Variants in AATF observed in about 807,000 individuals in gnomAD.
The protein encoded by AATF is apoptosis antagonizing transcription factor.
A neutral mutation model predicts 63.7 loss-of-function variants in AATF; 48 were observed. The observed-to-expected ratio is 0.75, with a 90% confidence interval of 0.60 to 0.96. The LOEUF (loss-of-function observed/expected upper bound fraction) is 0.96, where lower values mean the gene tolerates loss of function less well. Ranked by LOEUF, AATF falls within the 40% of genes least tolerant of loss-of-function variation. AATF has a pLI of 0.00. For synonymous variants in AATF, 258 were observed against 247.7 expected, an observed-to-expected ratio of 1.04 and a Z score of -0.39; for missense variants, 639 against 685.7, an observed-to-expected ratio of 0.93 and a Z score of 0.76.
At chr17:36,968,909 T>G (rs998412364) in intron 4 of AATF, among the ~76,000 whole-genome samples, 1 of 152,212 alleles carries the variant, frequency 6.6e-6, no homozygotes, top group African/African-American at 2.4e-5. Flanking sequence ...ATTACAGATG[T>G]GAACTTTAGC....
intron 10 of AATF, among the ~76,000 whole-genome samples, chr17:37,026,412 A>G (rs2071511520): frequency 6.6e-6 from 1 of 152,242 alleles, no homozygotes; most frequent in Admixed American, 6.5e-5. Context: ...TACTCATAGC[A>G]ATAGCGTAAG....
chr17:36,992,142 A>G lies in AATF; in HGVS notation c.1398+1285A>G, dbSNP rs34646966. ...GAACTTCTTAGGAAAATTACATGTA[A>G]AGTCAATATAGAACAAGTGATTTTA... On this transcript the variant is annotated intron_variant, in intron 8 of 11. Transcript: ENST00000619387. 4.4e-3 allele frequency among the ~76,000 whole-genome samples: 670 copies of G among 152,298 alleles called. 6 individuals are homozygous for G. Among genetic ancestry groups the G allele is most frequent in the African/African-American group, 0.015 (613 of 41,570 alleles).
chr17:37,001,682 A>C (rs2071299454), intron 8 of AATF, among the ~76,000 whole-genome samples: 1 of 152,150 alleles, frequency 6.6e-6, no homozygotes, highest in Admixed American at 6.5e-5. Flanking sequence ...AAACTTCCTC[A>C]CCTGATAAAG....
At chr17:37,004,591 A>T (rs1475178059) in intron 8 of AATF, among the ~76,000 whole-genome samples, 1 of 152,130 alleles carries the variant, frequency 6.6e-6, no homozygotes, top group East Asian at 1.9e-4. Context: ...GGAAGGCAGG[A>T]CTTATGAGTA....
chr17:37,019,093 T>C, intron 9 of AATF, 21 bp downstream of exon 9: 1 of 1,606,442 alleles, frequency 6.2e-7, no homozygotes. Context: ...TACAGCTTTC[T>C]GTTCATGCAA....
intron 8 of AATF, among the ~76,000 whole-genome samples, chr17:37,010,819 C>T (rs934438275): frequency 1.3e-5 from 2 of 152,142 alleles, no homozygotes; most frequent in Non-Finnish European, 1.5e-5. Context: ...TGTGAGGGCC[C>T]ACGGAGCATT....
Position 37,044,330 on chromosome 17 carries a change from C to G in AATF, c.1620-12271C>G, listed in dbSNP as rs2071670763. ...CATTGCACCGCTTGAGGGCCGGCTC[C>G]TTATTTTGTTCTTAGCTCATGGCAA... is the stretch of plus-strand genomic sequence containing the variant. On this transcript the variant is annotated intron_variant, in intron 11 of 11. Transcript: ENST00000619387. 3.9e-5 allele frequency among the ~76,000 whole-genome samples: 6 copies of G among 152,222 alleles called. No individual in the cohort carries two copies. In the South Asian group the frequency reaches 1.2e-3, roughly 32 times the overall value.
chr17:37,003,709 T>G (rs2071320086), intron 8 of AATF, among the ~76,000 whole-genome samples: 1 of 151,080 alleles, frequency 6.6e-6, no homozygotes, highest in Non-Finnish European at 1.5e-5. Flanking sequence ...TCAAGTGATC[T>G]GACTGCCTCA....
At chr17:36,962,203 CAT>C (rs2070953104) in intron 4 of AATF, among the ~76,000 whole-genome samples, 2 of 152,316 alleles carry the variant, frequency 1.3e-5, no homozygotes, top group East Asian at 1.9e-4. Context: ...ACTGAAATAA[CAT>C]ATGCAGTGTT....
chr17:36,990,385 C>T (rs534037691), intron 7 of AATF, among the ~76,000 whole-genome samples: 2 of 151,908 alleles, frequency 1.3e-5, no homozygotes, highest in Non-Finnish European at 2.9e-5. Flanking sequence ...ATTATGTGTT[C>T]GTATAAATAT....
rs1175645606 is a variant in AATF, at chr17:36,948,999, C to T, written c.-127C>T. On this transcript the variant is annotated 5_prime_UTR_variant, in exon 1 of 12. Transcript: ENST00000619387. ...GTCCAGAGCTGTGGGGTGGCCTCCG[C>T]GCGGTCTCTGGCGGAGTCGGGGAAT... 5.3e-5 allele frequency: 48 copies of T among 900,388 alleles called. No homozygotes were observed. Among genetic ancestry groups the T allele is most frequent in the Non-Finnish European group, 1.2e-5 (7 of 592,266 alleles). 55.8% of individuals were successfully genotyped at this position (900,388 alleles called of 1,614,324 possible). A position where few individuals can be genotyped will look rare whatever the true frequency, so the allele number is the denominator to read the frequency against.
chr17:36,993,594 G>A (rs1407046613), intron 8 of AATF, among the ~76,000 whole-genome samples: 1 of 152,146 alleles, frequency 6.6e-6, no homozygotes, highest in Non-Finnish European at 1.5e-5. Flanking sequence ...TGAGCTAAGT[G>A]TTGCATTCAG....
chr17:37,042,660 C>T (rs946201488), intron 11 of AATF, among the ~76,000 whole-genome samples: 1 of 151,278 alleles, frequency 6.6e-6, no homozygotes, highest in African/African-American at 2.4e-5. Context: ...TCAAGCAGTC[C>T]TCCCACCTTG....
At chr17:37,053,387 T>C (rs2071770258) in intron 11 of AATF, among the ~76,000 whole-genome samples, 1 of 152,116 alleles carries the variant, frequency 6.6e-6, no homozygotes, top group South Asian at 2.1e-4. Flanking sequence ...AATTAAAATA[T>C]TTTCATTTCA....
chr17:36,965,261 G>A (rs2070982299), intron 4 of AATF, among the ~76,000 whole-genome samples: 1 of 152,118 alleles, frequency 6.6e-6, no homozygotes. Flanking sequence ...GGAGGCTCTA[G>A]GGGAGAAATC....
Position 37,021,810 on chromosome 17 carries a change from A to G in AATF, c.1547+796A>G, listed in dbSNP as rs1163193955. On this transcript the variant is annotated intron_variant, in intron 10 of 11. Transcript: ENST00000619387. ...ACAGAGCGAGACTCCGTCTCAAAAA[A>G]AAAAAAAAAAATAATAATAATAATA... Among the ~76,000 whole-genome samples, 152 of 81,394 alleles carry G rather than the reference A, an allele frequency of 1.9e-3. 12 individuals are homozygous for G. In the East Asian group the frequency reaches 0.029, roughly 16 times the overall value. The allele number at this position is 81,394 out of a possible 152,430, so 53.4% of individuals were successfully genotyped here.
intron 4 of AATF, among the ~76,000 whole-genome samples, chr17:36,982,097 T>G (rs1450821280): frequency 6.6e-6 from 1 of 152,150 alleles, no homozygotes; most frequent in Non-Finnish European, 1.5e-5. Flanking sequence ...GAAATAGTAT[T>G]TGTCTTTTTT....
At chr17:36,980,611 A>G (rs77409323) in intron 4 of AATF, among the ~76,000 whole-genome samples, 2,075 of 152,316 alleles carry the variant, frequency 0.014, 24 homozygotes, top group Non-Finnish European at 0.022. Flanking sequence ...TGTATGAATA[A>G]TAGAGAGTGG....
At chr17:36,987,013 G>A (rs915301901) in intron 5 of AATF, among the ~76,000 whole-genome samples, 1 of 152,070 alleles carries the variant, frequency 6.6e-6, no homozygotes, top group East Asian at 1.9e-4. Flanking sequence ...TTAGAGATGG[G>A]GTCTTACACT....
Sources: allele counts gnomAD v4.1 joint callset (sites outside exome capture counted in the v4.1 genomes callset), GRCh38; gene constraint gnomAD v4.1.1; transcripts MANE v1.5; gene names NCBI Gene and HGNC (gene_info 2026-07-23, HGNC 2026-07-21).